CYRIB: variants seen among roughly 807,000 people sequenced by gnomAD.
CYRIB encodes the protein CYFIP related Rac1 interactor B.
CYRIB carries 8 observed loss-of-function variants against 44.2 expected under a neutral mutation model. The observed-to-expected ratio is 0.18, with a 90% CI of 0.11 to 0.33. CYRIB has a LOEUF of 0.33. Ranked by LOEUF, CYRIB falls within the 10% of genes least tolerant of loss-of-function variation. The pLI is 1.00. For synonymous variants in CYRIB, 131 were observed against 127.2 expected (o/e 1.03, Z -0.20); for missense variants, 185 against 382.8 (o/e 0.48, Z 4.31).
rs2074188964 is a variant in CYRIB, at chr8:129,904,490, A to G, written c.-49-1140T>C. 6.6e-6 allele frequency: 1 copy of G among 152,148 alleles called. No homozygotes were observed. The highest frequency in any genetic ancestry group is 1.5e-5 in the Non-Finnish European group (1 of 68,020). The allele number at this position is 152,148 out of a possible 1,614,324, so 9.4% of individuals were successfully genotyped here. On this transcript the variant is annotated intron_variant, in intron 1 of 11. Transcript: ENST00000519824. ...GTTGCTCACAGAAGTGAGCAGCTCAATAACGCACCCTTGGATTGGCGTTCC... is the reference window on the plus strand; with the variant it reads ...GTTGCTCACAGAAGTGAGCAGCTCAGTAACGCACCCTTGGATTGGCGTTCC...
intron 1 of CYRIB, among the ~76,000 whole-genome samples, chr8:130,010,462 T>C (rs938223281): frequency 2.6e-5 from 4 of 152,192 alleles, no homozygotes; most frequent in African/African-American, 9.7e-5. Context: ...ATTAGAGTAC[T>C]GGATGCTTAG....
At chr8:129,993,517 G>A (rs1054737888) in intron 1 of CYRIB, among the ~76,000 whole-genome samples, 2 of 151,528 alleles carry the variant, frequency 1.3e-5, no homozygotes, top group Non-Finnish European at 2.9e-5. Context: ...GACAACACAG[G>A]GAAACCCAGT....
chr8:129,871,212 T>G (rs1291707656), intron 4 of CYRIB, among the ~76,000 whole-genome samples, 163 bp downstream of exon 6: 1 of 152,240 alleles, frequency 6.6e-6, no homozygotes, highest in Non-Finnish European at 1.5e-5. Context: ...TTTCCTTTTA[T>G]GCTCATTTCA....
intron 11 of CYRIB, chr8:129,844,155 A>C (rs888796684): frequency 5.9e-5 from 9 of 152,220 alleles, no homozygotes; most frequent in African/African-American, 1.9e-4. Context: ...GAAAGAGCCA[A>C]GCAATGTGCA....
chr8:129,930,472 T>C (rs1293129192), intron 1 of CYRIB, among the ~76,000 whole-genome samples: 1 of 147,882 alleles, frequency 6.8e-6, no homozygotes, highest in African/African-American at 2.5e-5. Context: ...AACACTGTTT[T>C]TAAAAGTTGC....
chr8:129,932,716 A>G (rs2091886780), intron 1 of CYRIB, among the ~76,000 whole-genome samples: 1 of 152,164 alleles, frequency 6.6e-6, no homozygotes, highest in African/African-American at 2.4e-5. Context: ...GGTTCTTGAC[A>G]GTTCTGGGGA....
At chr8:129,886,340 C>G (rs967201852) in intron 2 of CYRIB, among the ~76,000 whole-genome samples, 4 of 152,230 alleles carry the variant, frequency 2.6e-5, no homozygotes, top group Non-Finnish European at 4.4e-5. Flanking sequence ...CCTGAAAACA[C>G]TTTCTTCAAA....
intron 2 of CYRIB, among the ~76,000 whole-genome samples, chr8:129,958,449 A>G (rs960020485): frequency 6.6e-6 from 1 of 152,130 alleles, no homozygotes; most frequent in Non-Finnish European, 1.5e-5. Context: ...TAGGAATCAC[A>G]CTGGCTTTAC....
chr8:129,839,734 G>A (rs773557965), exon 12 of CYRIB: 5 of 152,044 alleles, frequency 3.3e-5, no homozygotes, highest in Non-Finnish European at 5.9e-5. Flanking sequence ...AAAAACAGAC[G>A]GTGAGTAAAT....
At chr8:129,991,943 C>CAA (rs35897320) in intron 1 of CYRIB, among the ~76,000 whole-genome samples, 814 of 19,190 alleles carry the variant, frequency 0.042, 236 homozygotes, top group African/African-American at 0.14. Context: ...AGCAGAGTCG[C>CAA]AAAAAAAAAA....
intron 2 of CYRIB, among the ~76,000 whole-genome samples, chr8:129,894,995 T>C (rs1231517358): frequency 6.7e-6 from 1 of 150,090 alleles, no homozygotes; most frequent in Non-Finnish European, 1.5e-5. Flanking sequence ...TGGAGTGTAG[T>C]GGTGTGCTCA....
chr8:129,907,268 TA>T (rs1302489648), intron 1 of CYRIB, among the ~76,000 whole-genome samples: 1 of 152,178 alleles, frequency 6.6e-6, no homozygotes, highest in African/African-American at 2.4e-5. Flanking sequence ...TATGCAGCCA[TA>T]AAAAATGATG....
chr8:129,986,229 A>C (rs1461745540), intron 1 of CYRIB, among the ~76,000 whole-genome samples: 3 of 152,200 alleles, frequency 2.0e-5, no homozygotes, highest in African/African-American at 7.2e-5. Flanking sequence ...TGCTAAAGGA[A>C]GAGAGAGGGG....
At chr8:129,874,589 A>G (rs2058495639) in intron 3 of CYRIB, among the ~76,000 whole-genome samples, 1 of 152,154 alleles carries the variant, frequency 6.6e-6, no homozygotes, top group Admixed American at 6.5e-5. Context: ...TACCACTGGT[A>G]CATCTGTAAA....
chr8:129,958,563 A>G (rs901927766), intron 2 of CYRIB, among the ~76,000 whole-genome samples: 8 of 152,198 alleles, frequency 5.3e-5, no homozygotes, highest in African/African-American at 1.9e-4. Context: ...TAGCTACTCT[A>G]TTACTTTAAA....
intron 1 of CYRIB, among the ~76,000 whole-genome samples, chr8:129,975,992 T>A (rs1443827525): frequency 6.6e-6 from 1 of 152,080 alleles, no homozygotes; most frequent in Admixed American, 6.5e-5. Flanking sequence ...CCATGGGAAA[T>A]CTTATCTGGA....
chr8:129,874,577 TGTACCACTG>T (rs2058492446), intron 3 of CYRIB, among the ~76,000 whole-genome samples: 1 of 152,138 alleles, frequency 6.6e-6, no homozygotes, highest in Admixed American at 6.5e-5. Flanking sequence ...ATGTACAGTA[TGTACCACTG>T]GTACATCTGT....
chr8:129,871,334 G>C (rs1216239835), intron 4 of CYRIB, 41 bp downstream of exon 6: 3 of 1,579,132 alleles, frequency 1.9e-6, no homozygotes, highest in Admixed American at 3.9e-5. Flanking sequence ...AGGTGGGACA[G>C]TAAGTTTCAG....
rs746793874 is a variant in CYRIB at position 129,992,625 on chromosome 8, A to C, written c.-295-21630T>G. On this transcript the variant is annotated intron_variant, in intron 1 of 14. Transcript: ENST00000401979. ...CTCCAAGATCAGCCAGTCTTTCCAG[A>C]GAAGCATTTAACTCAGACCAATACT... Among the ~76,000 whole-genome samples the C allele has an allele frequency of 6.4e-4, 97 of 152,228 alleles. 1 individual carries two copies. The highest frequency in any genetic ancestry group is 1.0e-4 in the Non-Finnish European group (7 of 68,034).
Sources: allele counts gnomAD v4.1 joint callset (sites outside exome capture counted in the v4.1 genomes callset), GRCh38; gene constraint gnomAD v4.1.1; transcripts MANE v1.5; gene names NCBI Gene and HGNC (gene_info 2026-07-23, HGNC 2026-07-21).